DOCK1: variants seen among roughly 807,000 people sequenced by gnomAD.
DOCK1 encodes dedicator of cytokinesis 1, also known as dedicator of cytokinesis protein 1.
DOCK1 carries 138 observed loss-of-function variants against 262.7 expected under a neutral mutation model. The ratio of observed to expected loss-of-function variants is 0.53; its 90% CI spans 0.46 to 0.61. DOCK1 has a LOEUF of 0.61. Among genes scored for constraint, DOCK1 ranks in the 20% least tolerant of loss-of-function variants. The pLI, the probability that DOCK1 is intolerant of heterozygous loss-of-function variation, is 0.00. For synonymous variants in DOCK1, 866 were observed against 867.4 expected, an observed-to-expected ratio of 1.00 and a Z score of 0.03; for missense variants, 1,908 against 2,370.7, an observed-to-expected ratio of 0.80 and a Z score of 4.05.
chr10:127,340,388 C>T (rs887156523), intron 30 of DOCK1, among the ~76,000 whole-genome samples: 4 of 152,094 alleles, frequency 2.6e-5, no homozygotes. Context: ...TTATATGGGC[C>T]TGTGTGTGTT....
intron 13 of DOCK1, among the ~76,000 whole-genome samples, chr10:127,022,501 G>A (rs1028840507): frequency 2.0e-5 from 3 of 151,870 alleles, no homozygotes; most frequent in Admixed American, 2.0e-4. Context: ...CTCGGTTTGC[G>A]GCAACTTCTG....
intron 1 of DOCK1, among the ~76,000 whole-genome samples, chr10:126,907,774 T>G (rs1356693487): frequency 1.3e-5 from 2 of 152,248 alleles, no homozygotes; most frequent in East Asian, 3.9e-4. Flanking sequence ...CGCTTGAGTC[T>G]CACACCTTCC....
chr10:127,317,409 G>A (rs549063255), intron 29 of DOCK1, among the ~76,000 whole-genome samples: 152 of 152,168 alleles, frequency 1.0e-3, no homozygotes, highest in Non-Finnish European at 1.9e-3. Flanking sequence ...TTCTGTGTTC[G>A]TTTGTTTGCC....
intron 29 of DOCK1, among the ~76,000 whole-genome samples, chr10:127,300,843 C>T (rs943462578): frequency 1.3e-5 from 2 of 152,238 alleles, no homozygotes; most frequent in Middle Eastern, 3.4e-3. Flanking sequence ...TTGTTTCATC[C>T]GTTCCTCCTT....
chr10:127,124,112 T>G (rs1006742209), intron 25 of DOCK1, among the ~76,000 whole-genome samples: 1 of 152,202 alleles, frequency 6.6e-6, no homozygotes, highest in Non-Finnish European at 1.5e-5. Context: ...AGTCTTTGTT[T>G]CTCTCTGCCT....
At chr10:127,229,327 ACTT>A (rs1409134059) in intron 27 of DOCK1, among the ~76,000 whole-genome samples, 1 of 152,140 alleles carries the variant, frequency 6.6e-6, no homozygotes, top group Admixed American at 6.5e-5. Flanking sequence ...CGTGATGTAG[ACTT>A]CTTGAACTTA....
At chr10:127,349,476 C>T (rs2063786040) in intron 31 of DOCK1, among the ~76,000 whole-genome samples, 1 of 152,092 alleles carries the variant, frequency 6.6e-6, no homozygotes, top group South Asian at 2.1e-4. Context: ...GGTGGGGGTT[C>T]CGCACACCTT....
Position 126,911,319 on chromosome 10 carries a change from C to T in DOCK1, c.46+5756C>T, listed in dbSNP as rs188884946. Among the ~76,000 whole-genome samples the T allele has an allele frequency of 2.1e-3, 326 of 152,216 alleles. 2 individuals are homozygous for T. The highest frequency in any genetic ancestry group is 4.6e-3 in the African/African-American group (190 of 41,516). Reference sequence around the variant, plus strand: ...CAGCGTGCAGCTCCCTGTGCTGCTGCGGTACAGGAGAAGGCAGCCCACCCA... The same window carrying T: ...CAGCGTGCAGCTCCCTGTGCTGCTGTGGTACAGGAGAAGGCAGCCCACCCA... On this transcript the variant is annotated intron_variant, in intron 1 of 51. Coordinates refer to ENST00000623213, the MANE Select transcript of DOCK1 (RefSeq NM_001290223.2).
chr10:127,228,432 C>T (rs1486041216), intron 27 of DOCK1, among the ~76,000 whole-genome samples: 4 of 152,170 alleles, frequency 2.6e-5, no homozygotes, highest in Admixed American at 2.6e-4. Flanking sequence ...ACTGTTCTTT[C>T]CAATGCTATA....
At position 127,263,220 on chromosome 10, in the gene DOCK1, A is replaced by G. The variant is rs564442864; in HGVS notation, c.3044+5791A>G. Among the ~76,000 whole-genome samples the G allele has an allele frequency of 7.2e-5, 11 of 152,358 alleles. No individual in the cohort carries two copies. The South Asian group carries it at 2.3e-3, about 32-fold the overall frequency. On this transcript the variant is annotated intron_variant, in intron 29 of 51. Coordinates refer to ENST00000623213, the MANE Select transcript of DOCK1 (RefSeq NM_001290223.2). Reference sequence around the variant, plus strand: ...TGCACCATTTATCAATGTGTTTTATAAGAGCGAATCTTACTGTGCAGTCTA... The same window carrying G: ...TGCACCATTTATCAATGTGTTTTATGAGAGCGAATCTTACTGTGCAGTCTA...
At chr10:127,112,256 C>T (rs2048913701) in intron 25 of DOCK1, among the ~76,000 whole-genome samples, 2 of 152,318 alleles carry the variant, frequency 1.3e-5, no homozygotes, top group South Asian at 2.1e-4. Context: ...AAATGATCCA[C>T]CCGCCTCGGC....
chr10:127,127,848 A>G, intron 27 of DOCK1, 84 bp downstream of exon 27: 4 of 1,200,502 alleles, frequency 3.3e-6, no homozygotes, highest in Admixed American at 1.8e-5. Flanking sequence ...ATAGCTTATT[A>G]TACTGCAATG....
Position 127,000,540 on chromosome 10 carries a change from T to G in DOCK1, c.985+233T>G, listed in dbSNP as rs1416110776. On this transcript the variant is annotated intron_variant, in intron 10 of 51. Transcript: ENST00000623213. ...ATAAATCATATATTTGGTTTTAAAG[T>G]GGATCCCATCTTTCCCTGGGAGTGA... The G allele has an allele frequency of 3.9e-5, 21 of 535,464 alleles. No homozygotes were observed. In the Admixed American group the frequency reaches 6.9e-4, roughly 18 times the overall value. The allele number at this position is 535,464 out of a possible 1,614,324, so 33.2% of individuals were successfully genotyped here.
intron 27 of DOCK1, among the ~76,000 whole-genome samples, chr10:127,164,159 C>CTTTTTTTTTT (rs528947051): frequency 3.1e-5 from 2 of 63,582 alleles, no homozygotes; most frequent in African/African-American, 1.2e-4. Flanking sequence ...CATTTGCCTC[C>CTTTTTTTTTT]TTTTTTTTTT....
intron 35 of DOCK1, among the ~76,000 whole-genome samples, chr10:127,375,931 A>G (rs2065460659): frequency 6.6e-6 from 1 of 152,226 alleles, no homozygotes. Flanking sequence ...AAGTCAAAGA[A>G]ACAGGAGGAT....
chr10:126,999,699 C>T (rs570297397), intron 9 of DOCK1, among the ~76,000 whole-genome samples: 10 of 152,226 alleles, frequency 6.6e-5, no homozygotes, highest in African/African-American at 1.9e-4. Flanking sequence ...TTCCTTGAGA[C>T]GGAGTCTTGC....
chr10:127,366,409 G>A (rs1373123974), intron 33 of DOCK1, among the ~76,000 whole-genome samples: 1 of 152,060 alleles, frequency 6.6e-6, no homozygotes, highest in Non-Finnish European at 1.5e-5. Context: ...TTTTCCGGCT[G>A]CGGGTCATGC....
At chr10:127,068,075 T>C (rs1220409596) in intron 23 of DOCK1, among the ~76,000 whole-genome samples, 1 of 152,198 alleles carries the variant, frequency 6.6e-6, no homozygotes, top group Non-Finnish European at 1.5e-5. Flanking sequence ...TGTGTTGAAA[T>C]AAGCTATTCT....
chr10:126,977,290 G>A (rs777030892), intron 2 of DOCK1, among the ~76,000 whole-genome samples: 28 of 152,300 alleles, frequency 1.8e-4, no homozygotes, highest in South Asian at 8.3e-4. Flanking sequence ...GATGGTTCGA[G>A]TGTGTCTTTC....
Sources: gnomAD v4.1 joint callset for allele counts (sites outside exome capture counted in the v4.1 genomes callset) on GRCh38, gnomAD v4.1.1 for gene constraint, MANE v1.5 for transcripts, NCBI Gene and HGNC (gene_info 2026-07-23, HGNC 2026-07-21) for gene names.